The following MINDY4 variants were observed in gnomAD, a reference collection of about 807,000 sequenced individuals.
MINDY4 encodes the protein probable ubiquitin carboxyl-terminal hydrolase MINDY-4.
In MINDY4, 68 loss-of-function variants were observed where a neutral mutation model predicts 87.0. The ratio of observed to expected loss-of-function variants is 0.78; its 90% CI spans 0.64 to 0.96. The LOEUF (loss-of-function observed/expected upper bound fraction) is 0.96, where lower values mean the gene tolerates loss of function less well. MINDY4 is among the 40% of genes least tolerant of loss of function. The probability of loss-of-function intolerance (pLI) is 0.00; values close to 1 mark genes in which losing one functional copy is unlikely to be tolerated. For synonymous variants in MINDY4, 379 were observed against 363.2 expected (o/e 1.04, Z -0.50); for missense variants, 919 against 928.2 (o/e 0.99, Z 0.13).
rs61739692 is a variant in MINDY4 at position 30,791,237 on chromosome 7, C to G, written c.736C>G (p.Arg246Gly). Residue 246 changes from arginine to glycine, a missense_variant, in exon 5 of 18, where the codon CGG (arginine) becomes GGG (glycine). Arg to Gly is a moderately radical substitution (Grantham distance 125). Transcript: ENST00000265299. ...CTCCACCCAACCCCAAGAAGAGAGC[C>G]GGAAGGTCCCTGAGCTCTTTGTCTG... ...SSSTQPQEES[R>G]KVPELFVCTQ... 6.2e-7 allele frequency: 1 copy of G among 1,614,160 alleles called. No individual in the cohort carries two copies. Among genetic ancestry groups the G allele is most frequent in the Admixed American group, 1.7e-5 (1 of 60,018 alleles).
intron 14 of MINDY4, among the ~76,000 whole-genome samples, chr7:30,873,543 G>A (rs1790170240): frequency 1.3e-5 from 2 of 152,214 alleles, no homozygotes; most frequent in African/African-American, 2.4e-5. Context: ...GATTCAGTGG[G>A]TCTGGGCTGG....
At chr7:30,891,246 C>G (rs1305775134) in intron 17 of MINDY4, among the ~76,000 whole-genome samples, 1 of 152,134 alleles carries the variant, frequency 6.6e-6, no homozygotes, top group African/African-American at 2.4e-5. Context: ...AAATTTGATT[C>G]TTCTGAGTGT....
At chr7:30,865,053 C>G (rs1157645956) in intron 13 of MINDY4, among the ~76,000 whole-genome samples, 9 of 152,152 alleles carry the variant, frequency 5.9e-5, no homozygotes, top group African/African-American at 1.9e-4. Flanking sequence ...GTCAGCTTAC[C>G]TGGGACTCTG....
intron 5 of MINDY4, among the ~76,000 whole-genome samples, chr7:30,796,311 G>A (rs1476400478): frequency 6.6e-6 from 1 of 152,156 alleles, no homozygotes; most frequent in Admixed American, 6.5e-5. Flanking sequence ...GCCATCCCCA[G>A]AAGCAGCAGG....
At chr7:30,849,394 A>C (rs138114370) in intron 9 of MINDY4, among the ~76,000 whole-genome samples, 122 of 152,342 alleles carry the variant, frequency 8.0e-4, no homozygotes, top group African/African-American at 2.8e-3. Context: ...TGCAGAATCC[A>C]AGAGAAGCCT....
chr7:30,781,205 C>T (rs994291345), intron 2 of MINDY4: 1 of 152,256 alleles, frequency 6.6e-6, no homozygotes, highest in Non-Finnish European at 1.5e-5. Context: ...TGACACATGG[C>T]TGGGTCCCTG....
At chr7:30,870,488 C>T (rs763287) in intron 13 of MINDY4, among the ~76,000 whole-genome samples, 19,219 of 152,198 alleles carry the variant, frequency 0.13, 2,861 homozygotes, top group African/African-American at 0.36. Context: ...TGAGCCTCAA[C>T]CACCCTTCCC....
chr7:30,878,133 G>A (rs1257535514), intron 15 of MINDY4, among the ~76,000 whole-genome samples: 2 of 152,024 alleles, frequency 1.3e-5, no homozygotes, highest in Non-Finnish European at 1.5e-5. Flanking sequence ...GCTCTGGCCT[G>A]GCCTGGCCCT....
intron 2 of MINDY4, chr7:30,780,594 A>G (rs980685036): frequency 1.2e-4 from 18 of 152,226 alleles, no homozygotes; most frequent in Admixed American, 6.5e-4. Context: ...TTTGACATTC[A>G]TTCAGCACAA....
Position 30,875,475 on chromosome 7 carries a change from C to T in MINDY4, c.1810-20C>T. On this transcript the variant is annotated intron_variant, in intron 14 of 17. Transcript: ENST00000265299. Reference sequence around the variant, plus strand: ...ACTGATTCAGACTTGATGAGTCTTTCCCCTTTCTCTCATCTGCAGGAACTT... The same window carrying T: ...ACTGATTCAGACTTGATGAGTCTTTTCCCTTTCTCTCATCTGCAGGAACTT... 1 of 1,613,746 alleles carries T rather than the reference C, an allele frequency of 6.2e-7. No homozygotes were observed. The highest frequency in any genetic ancestry group is 8.5e-7 in the Non-Finnish European group (1 of 1,179,728).
intron 9 of MINDY4, among the ~76,000 whole-genome samples, chr7:30,847,045 C>T (rs1320635226): frequency 6.6e-6 from 1 of 152,082 alleles, no homozygotes; most frequent in African/African-American, 2.4e-5. Context: ...GACAGAATGG[C>T]AGTGTTGGAA....
intron 3 of MINDY4, 130 bp downstream of exon 3, chr7:30,782,342 T>TTG (rs56380069): frequency 0.048 from 27,719 of 574,966 alleles, 271 homozygotes; most frequent in African/African-American, 0.072. Flanking sequence ...GTGTGTATGT[T>TTG]TGTGTGTGTG....
chr7:30,879,332 A>G (rs951974278), intron 15 of MINDY4, among the ~76,000 whole-genome samples: 1 of 152,152 alleles, frequency 6.6e-6, no homozygotes, highest in African/African-American at 2.4e-5. Flanking sequence ...GCAACCATCT[A>G]CAAGCTCAGG....
intron 5 of MINDY4, among the ~76,000 whole-genome samples, chr7:30,795,602 C>T (rs1207928932): frequency 2.6e-5 from 4 of 152,180 alleles, no homozygotes; most frequent in Admixed American, 2.6e-4. Flanking sequence ...CATGTGTTTC[C>T]TGTTGCTGGT....
intron 17 of MINDY4, among the ~76,000 whole-genome samples, 181 bp downstream of exon 17, chr7:30,883,174 A>G (rs1460534142): frequency 6.6e-6 from 1 of 151,990 alleles, no homozygotes; most frequent in Non-Finnish European, 1.5e-5. Flanking sequence ...CAGGTTCAGG[A>G]GTGTGTGGTC....
chr7:30,840,709 A>C (rs997958528), intron 8 of MINDY4, 51 bp from the exon 9 acceptor site: 2 of 1,578,612 alleles, frequency 1.3e-6, no homozygotes, highest in Non-Finnish European at 1.7e-6. Context: ...GAAACCAAAA[A>C]CTCTGCCCCA....
chr7:30,822,009 T>G (rs1367121260), intron 5 of MINDY4, among the ~76,000 whole-genome samples: 1 of 152,192 alleles, frequency 6.6e-6, no homozygotes, highest in African/African-American at 2.4e-5. Flanking sequence ...CTCCCCAATA[T>G]ATATTAATCG....
chr7:30,797,013 G>A (rs1349269354), intron 5 of MINDY4: 3 of 152,134 alleles, frequency 2.0e-5, no homozygotes, highest in Non-Finnish European at 4.4e-5. Flanking sequence ...TACTGGCTTC[G>A]AATGCTGATT....
intron 12 of MINDY4, among the ~76,000 whole-genome samples, chr7:30,854,474 G>T (rs751857374): frequency 2.0e-5 from 3 of 152,034 alleles, no homozygotes; most frequent in Non-Finnish European, 4.4e-5. Flanking sequence ...CTGAACTAAG[G>T]CCAGCAGACC....
Sources: allele counts gnomAD v4.1 joint callset (sites outside exome capture counted in the v4.1 genomes callset), GRCh38; gene constraint gnomAD v4.1.1; transcripts MANE v1.5; gene names NCBI Gene and HGNC (gene_info 2026-07-23, HGNC 2026-07-21).